Variants in FGGY observed in about 807,000 individuals in gnomAD.
The protein encoded by FGGY is FGGY carbohydrate kinase domain containing.
A neutral mutation model predicts 71.3 loss-of-function variants in FGGY; 72 were observed. That is an observed-to-expected ratio of 1.01 (90% CI 0.84 to 1.23). The LOEUF (loss-of-function observed/expected upper bound fraction) is 1.23, where lower values mean the gene tolerates loss of function less well. FGGY is among the 50% of genes most tolerant of loss of function. The pLI is 0.00. For synonymous variants in FGGY, 251 were observed against 250.3 expected (o/e 1.00, Z -0.02); for missense variants, 668 against 682.3 (o/e 0.98, Z 0.23).
chr1:59,455,745 G>A (rs2091624355), intron 5 of FGGY, among the ~76,000 whole-genome samples: 1 of 152,186 alleles, frequency 6.6e-6, no homozygotes, highest in South Asian at 2.1e-4. Context: ...CATGCTCTGG[G>A]AAATCAGAAG....
chr1:59,563,730 C>G (rs183504866), intron 8 of FGGY, among the ~76,000 whole-genome samples: 38 of 152,270 alleles, frequency 2.5e-4, no homozygotes, highest in African/African-American at 8.4e-4. Context: ...CCTGTATAGC[C>G]AAGACAATCC....
chr1:59,745,870 A>G (rs79308880), intron 14 of FGGY, among the ~76,000 whole-genome samples: 1,822 of 152,322 alleles, frequency 0.012, 76 homozygotes, highest in East Asian at 0.094. Flanking sequence ...GCTAAGAATG[A>G]TAGAGTACAT....
At chr1:59,397,072 T>A (rs992083801) in intron 5 of FGGY, among the ~76,000 whole-genome samples, 2 of 151,178 alleles carry the variant, frequency 1.3e-5, no homozygotes, top group African/African-American at 2.4e-5. Flanking sequence ...TATCTAAAAG[T>A]GATTTAACAA....
intron 9 of FGGY, among the ~76,000 whole-genome samples, chr1:59,619,540 G>T (rs1363827383): frequency 6.6e-6 from 1 of 151,954 alleles, no homozygotes; most frequent in Non-Finnish European, 1.5e-5. Context: ...CAGGTCAAGG[G>T]AACAACCAGT....
intron 14 of FGGY, among the ~76,000 whole-genome samples, chr1:59,687,523 G>C (rs1486929948): frequency 6.6e-6 from 1 of 151,648 alleles, no homozygotes; most frequent in African/African-American, 2.4e-5. Flanking sequence ...CTGGAGTGCA[G>C]TGGCACAATC....
intron 11 of FGGY, chr1:59,641,437 C>A: frequency 9.0e-7 from 1 of 1,109,764 alleles, no homozygotes; most frequent in Non-Finnish European, 1.3e-6. Context: ...GTGCTAAACC[C>A]AGGTAATACA....
chr1:59,360,883 C>T (rs2055371508), intron 4 of FGGY, among the ~76,000 whole-genome samples: 1 of 152,126 alleles, frequency 6.6e-6, no homozygotes, highest in African/African-American at 2.4e-5. Context: ...GTCTGAGAGA[C>T]ACTTACCTCA....
rs570270121 is a variant in FGGY, at chr1:59,588,615, A to T, written c.904-19188A>T. Among the ~76,000 whole-genome samples, 62 of 152,248 alleles carry T rather than the reference A, an allele frequency of 4.1e-4. No homozygotes were observed. The Middle Eastern group carries it at 0.01, about 25-fold the overall frequency. On this transcript the variant is annotated intron_variant, in intron 8 of 15. Transcript: ENST00000303721. ...CTTGGCAGAAACCCTACAAGCCAGAAGAGAGTGGGGGCCAATATTTAACAT... is the reference window on the plus strand; with the variant it reads ...CTTGGCAGAAACCCTACAAGCCAGATGAGAGTGGGGGCCAATATTTAACAT...
At chr1:59,616,636 A>C (rs1268954637) in intron 9 of FGGY, among the ~76,000 whole-genome samples, 4 of 152,170 alleles carry the variant, frequency 2.6e-5, no homozygotes, top group Admixed American at 2.0e-4. Context: ...TATAATAAAA[A>C]AATAAATAAA....
chr1:59,603,372 G>A (rs530928792), intron 8 of FGGY, among the ~76,000 whole-genome samples: 3 of 152,218 alleles, frequency 2.0e-5, no homozygotes, highest in Non-Finnish European at 2.9e-5. Context: ...CCAAGACCAA[G>A]GACAAATCTA....
intron 2 of FGGY, among the ~76,000 whole-genome samples, chr1:59,327,129 T>A (rs1557557181): frequency 6.6e-6 from 1 of 152,178 alleles, no homozygotes; most frequent in Non-Finnish European, 1.5e-5. Context: ...AGTAAGGCAA[T>A]TTTTTAAGTA....
chr1:59,361,455 G>A (rs2055503012), intron 4 of FGGY, among the ~76,000 whole-genome samples: 1 of 152,154 alleles, frequency 6.6e-6, no homozygotes. Context: ...TGGGTAATAA[G>A]CAGTTGAGGT....
At chr1:59,759,338 A>G (rs1296517982) in intron 15 of FGGY, among the ~76,000 whole-genome samples, 1 of 152,138 alleles carries the variant, frequency 6.6e-6, no homozygotes, top group Non-Finnish European at 1.5e-5. Flanking sequence ...AGGTACAGGC[A>G]TTGCGTAGGG....
chr1:59,647,015 C>G (rs957254084), intron 11 of FGGY, among the ~76,000 whole-genome samples: 1 of 152,082 alleles, frequency 6.6e-6, no homozygotes, highest in Non-Finnish European at 1.5e-5. Flanking sequence ...CCTATATACA[C>G]TAAACAACAA....
At chr1:59,723,252 T>C (rs145635328) in intron 14 of FGGY, among the ~76,000 whole-genome samples, 301 of 152,300 alleles carry the variant, frequency 2.0e-3, no homozygotes, top group African/African-American at 7.0e-3. Context: ...TATATACCCA[T>C]ATCTATAAAT....
chr1:59,492,701 C>T (rs2093905746), intron 6 of FGGY, among the ~76,000 whole-genome samples: 1 of 151,924 alleles, frequency 6.6e-6, no homozygotes, highest in South Asian at 2.1e-4. Context: ...TAATAAACCT[C>T]GAGTCTTTTG....
intron 10 of FGGY, 178 bp downstream of exon 10, chr1:59,626,227 A>G (rs570386661): frequency 4.7e-4 from 252 of 534,464 alleles, no homozygotes; most frequent in African/African-American, 4.5e-3. Context: ...AAATGAGGTA[A>G]GAGAACTTAG....
intron 4 of FGGY, among the ~76,000 whole-genome samples, chr1:59,377,727 G>T (rs1232471370): frequency 1.3e-5 from 2 of 152,090 alleles, no homozygotes; most frequent in Non-Finnish European, 2.9e-5. Context: ...CCCCCTCAAG[G>T]AATGGTGGTG....
chr1:59,410,726 C>G (rs996585050), intron 5 of FGGY, among the ~76,000 whole-genome samples: 1 of 152,114 alleles, frequency 6.6e-6, no homozygotes, highest in Non-Finnish European at 1.5e-5. Context: ...GAGGCTCGGG[C>G]AGGTAATTGA....
Sources: allele counts gnomAD v4.1 joint callset (sites outside exome capture counted in the v4.1 genomes callset), GRCh38; gene constraint gnomAD v4.1.1; transcripts MANE v1.5; gene names NCBI Gene and HGNC (gene_info 2026-07-23, HGNC 2026-07-21).